Variants in EPHA6 observed in about 807,000 individuals in gnomAD.
EPHA6 encodes EPH receptor A6.
In EPHA6, 50 loss-of-function variants were observed where a neutral mutation model predicts 112.0. The ratio of observed to expected loss-of-function variants is 0.45; its 90% CI spans 0.36 to 0.56. The LOEUF (loss-of-function observed/expected upper bound fraction) is 0.56. Ranked by LOEUF, EPHA6 falls within the 20% of genes least tolerant of loss-of-function variation. The pLI is 0.00. For missense variants in EPHA6, 1,280 were observed against 1,417.4 expected, an observed-to-expected ratio of 0.90 and a Z score of 1.56; for synonymous variants, 529 against 490.7, an observed-to-expected ratio of 1.08 and a Z score of -1.03.
At chr3:96,923,912 C>T (rs548547874) in intron 2 of EPHA6, among the ~76,000 whole-genome samples, 3 of 152,134 alleles carry the variant, frequency 2.0e-5, no homozygotes, top group South Asian at 2.1e-4. Flanking sequence ...TTGTTTTAGT[C>T]GGGTTTGTTG....
At chr3:97,270,831 A>T (rs186318254) in intron 5 of EPHA6, among the ~76,000 whole-genome samples, 50 of 152,354 alleles carry the variant, frequency 3.3e-4, no homozygotes, top group Middle Eastern at 3.4e-3. Flanking sequence ...TCACTCATAG[A>T]CAAGAAGCAC....
intron 10 of EPHA6, among the ~76,000 whole-genome samples, chr3:97,497,793 G>T (rs577004922): frequency 6.6e-6 from 1 of 151,800 alleles, no homozygotes; most frequent in East Asian, 1.9e-4. Flanking sequence ...ATGCTGAAAA[G>T]AATGCATCAG....
chr3:97,123,194 C>T (rs1467434845), intron 3 of EPHA6, among the ~76,000 whole-genome samples: 1 of 151,968 alleles, frequency 6.6e-6, no homozygotes, highest in Non-Finnish European at 1.5e-5. Flanking sequence ...TGTAGTGGTA[C>T]TATTATTCGT....
At chr3:97,252,232 G>A (rs1337196339) in intron 5 of EPHA6, among the ~76,000 whole-genome samples, 3 of 152,010 alleles carry the variant, frequency 2.0e-5, no homozygotes, top group African/African-American at 7.2e-5. Flanking sequence ...AGGGATACTT[G>A]AGCAGAAAAA....
intron 3 of EPHA6, among the ~76,000 whole-genome samples, chr3:97,190,820 A>T (rs2077283704): frequency 6.6e-6 from 1 of 152,026 alleles, no homozygotes; most frequent in Non-Finnish European, 1.5e-5. Context: ...ATACATATGT[A>T]ACTAACCTGC....
chr3:96,974,389 G>A (rs2042438861), intron 2 of EPHA6, among the ~76,000 whole-genome samples: 1 of 149,968 alleles, frequency 6.7e-6, no homozygotes, highest in Non-Finnish European at 1.5e-5. Context: ...AAATACTTTT[G>A]TTATTAAATC....
intron 1 of EPHA6, among the ~76,000 whole-genome samples, chr3:96,832,842 C>T (rs534552950): frequency 3.3e-4 from 50 of 152,008 alleles, no homozygotes; most frequent in Admixed American, 1.1e-3. Flanking sequence ...CATGGGCTAC[C>T]TTCCCACATG....
chr3:97,431,571 A>C (rs11914703), intron 6 of EPHA6, among the ~76,000 whole-genome samples: 2,700 of 152,214 alleles, frequency 0.018, 78 homozygotes, highest in African/African-American at 0.056. Flanking sequence ...ATTTTTATGG[A>C]TAAACCACAG....
intron 10 of EPHA6, among the ~76,000 whole-genome samples, chr3:97,514,662 G>C (rs1356947102): frequency 6.6e-6 from 1 of 152,142 alleles, no homozygotes; most frequent in Non-Finnish European, 1.5e-5. Context: ...TATGTTTGGA[G>C]ATAGGATTTT....
At chr3:96,978,695 G>A (rs1162465279) in intron 2 of EPHA6, among the ~76,000 whole-genome samples, 1 of 151,900 alleles carries the variant, frequency 6.6e-6, no homozygotes, top group East Asian at 1.9e-4. Context: ...CACAAACTCA[G>A]TGTAAAAAAA....
At chr3:97,643,652 A>T (rs2094030398) in intron 14 of EPHA6, among the ~76,000 whole-genome samples, 1 of 152,138 alleles carries the variant, frequency 6.6e-6, no homozygotes, top group South Asian at 2.1e-4. Context: ...CTAGTCTCTG[A>T]TAAAACAGAC....
intron 2 of EPHA6, among the ~76,000 whole-genome samples, chr3:96,901,833 T>G (rs779719683): frequency 3.3e-5 from 5 of 152,200 alleles, no homozygotes; most frequent in Non-Finnish European, 7.3e-5. Context: ...GATGTTATTA[T>G]CAACTATTTG....
rs575116820 is a variant in EPHA6, at chr3:97,495,661, G to T, written c.2200+11602G>T. On this transcript the variant is annotated intron_variant, in intron 10 of 17. Transcript: ENST00000389672. ...TATTGTCCTTCTCAGTAACATCTGT[G>T]ATTTGTTCTGCCTTGCAATTTAGCT... Among the ~76,000 whole-genome samples, 3 of 152,112 alleles carry T rather than the reference G, an allele frequency of 2.0e-5. No individual in the cohort carries two copies. In the South Asian group the frequency reaches 6.2e-4, roughly 32 times the overall value.
intron 5 of EPHA6, among the ~76,000 whole-genome samples, chr3:97,323,362 AAT>A (rs2082212902): frequency 1.3e-5 from 2 of 151,926 alleles, no homozygotes; most frequent in Non-Finnish European, 2.9e-5. Context: ...AAACTAAATA[AAT>A]ATATAGGTGA....
At chr3:97,071,803 G>T (rs1412403474) in intron 3 of EPHA6, among the ~76,000 whole-genome samples, 1 of 146,976 alleles carries the variant, frequency 6.8e-6, no homozygotes, top group Non-Finnish European at 1.5e-5. Context: ...TATTTTGTGA[G>T]ATTTTGGTGC....
chr3:97,407,828 A>T (rs1577277320), intron 6 of EPHA6, among the ~76,000 whole-genome samples: 1 of 152,154 alleles, frequency 6.6e-6, no homozygotes, highest in East Asian at 1.9e-4. Context: ...TCTGCTCCCA[A>T]CTTCTCAGTC....
intron 2 of EPHA6, among the ~76,000 whole-genome samples, chr3:96,924,356 C>T (rs1336329292): frequency 6.6e-6 from 1 of 152,184 alleles, no homozygotes; most frequent in East Asian, 1.9e-4. Context: ...CTGAAGAGGT[C>T]CTTCACTTCC....
At chr3:97,533,144 T>C (rs2092714257) in intron 11 of EPHA6, among the ~76,000 whole-genome samples, 1 of 151,990 alleles carries the variant, frequency 6.6e-6, no homozygotes, top group South Asian at 2.1e-4. Flanking sequence ...AAGAAATAGA[T>C]TGCTATATAT....
intron 3 of EPHA6, among the ~76,000 whole-genome samples, chr3:97,017,598 T>C (rs1324017400): frequency 6.6e-6 from 1 of 152,052 alleles, no homozygotes; most frequent in Non-Finnish European, 1.5e-5. Flanking sequence ...AGTGGACTTA[T>C]GGGGCAAGTG....
Sources: gnomAD v4.1 joint callset for allele counts (sites outside exome capture counted in the v4.1 genomes callset) on GRCh38, gnomAD v4.1.1 for gene constraint, MANE v1.5 for transcripts, NCBI Gene and HGNC (gene_info 2026-07-23, HGNC 2026-07-21) for gene names.